The following CFAP69 variants were observed in gnomAD, a reference collection of about 807,000 sequenced individuals.
The protein encoded by CFAP69 is cilia and flagella associated protein 69.
A neutral mutation model predicts 123.0 loss-of-function variants in CFAP69; 92 were observed. The observed-to-expected ratio is 0.75, with a 90% CI of 0.63 to 0.89. The LOEUF is 0.89. CFAP69 is among the 40% of genes least tolerant of loss of function. The probability of loss-of-function intolerance (pLI) is 0.00; values close to 1 mark genes in which losing one functional copy is unlikely to be tolerated. For missense variants in CFAP69, 1,067 were observed against 1,096.9 expected (o/e 0.97, Z 0.39); for synonymous variants, 380 against 364.3 (o/e 1.04, Z -0.49).
At chr7:90,304,402 CTTGAG>C in intron 18 of CFAP69, 1 of 1,198,310 alleles carries the variant, frequency 8.3e-7, no homozygotes, top group Non-Finnish European at 1.0e-6. Context: ...TTCTGAGTCA[CTTGAG>C]TTTTTTTTTT....
chr7:90,281,249 A>T (rs1789440636), intron 12 of CFAP69, among the ~76,000 whole-genome samples: 1 of 152,216 alleles, frequency 6.6e-6, no homozygotes, highest in Non-Finnish European at 1.5e-5. Context: ...CCCAGGTTCT[A>T]TAATAGAACC....
chr7:90,287,224 G>T (rs1434430481), intron 14 of CFAP69, among the ~76,000 whole-genome samples: 2 of 151,980 alleles, frequency 1.3e-5, no homozygotes, highest in East Asian at 3.9e-4. Flanking sequence ...TGATAGATAG[G>T]CACTTGGGTT....
intron 16 of CFAP69, 38 bp downstream of exon 16, chr7:90,297,868 AT>A (rs1278456913): frequency 6.4e-6 from 9 of 1,399,862 alleles, no homozygotes; most frequent in Non-Finnish European, 8.8e-6. Flanking sequence ...CAAAAGACAA[AT>A]ATGTCTATTA....
At chr7:90,305,319 C>T (rs558458207) in intron 19 of CFAP69, among the ~76,000 whole-genome samples, 110 of 141,224 alleles carry the variant, frequency 7.8e-4, no homozygotes, top group African/African-American at 2.6e-3. Flanking sequence ...CCAGCCTGGG[C>T]GACAGAGCGA....
At chr7:90,253,033 A>G (rs1331459878) in intron 1 of CFAP69, among the ~76,000 whole-genome samples, 2 of 152,252 alleles carry the variant, frequency 1.3e-5, no homozygotes, top group Non-Finnish European at 2.9e-5. Flanking sequence ...AAAAATAAAA[A>G]TAGATGCATT....
At chr7:90,261,854 G>T in intron 3 of CFAP69, 93 bp from the exon 4 acceptor site, 1 of 618,798 alleles carries the variant, frequency 1.6e-6, no homozygotes, top group Non-Finnish European at 2.5e-6. Context: ...AAAATAGTTG[G>T]AATTCTATAG....
intron 1 of CFAP69, among the ~76,000 whole-genome samples, 171 bp downstream of exon 1, chr7:90,245,715 C>T (rs577336834): frequency 4.6e-5 from 7 of 152,216 alleles, no homozygotes; most frequent in African/African-American, 1.7e-4. Flanking sequence ...CCACCCCCTG[C>T]GAACTGCACC....
intron 4 of CFAP69, among the ~76,000 whole-genome samples, chr7:90,263,007 A>G (rs1196887017): frequency 6.6e-6 from 1 of 152,080 alleles, no homozygotes; most frequent in Non-Finnish European, 1.5e-5. Context: ...TGGTGTTTTC[A>G]AGGAACAAAT....
chr7:90,269,536 G>C (rs767875767), intron 6 of CFAP69, among the ~76,000 whole-genome samples: 1 of 152,140 alleles, frequency 6.6e-6, no homozygotes, highest in Non-Finnish European at 1.5e-5. Flanking sequence ...AGTTGTCTCA[G>C]TGTCAAACGC....
downstream of CFAP69, among the ~76,000 whole-genome samples, chr7:90,314,793 A>G (rs775376005): frequency 3.3e-5 from 5 of 151,928 alleles, no homozygotes; most frequent in Non-Finnish European, 7.4e-5. Context: ...ATATATATAC[A>G]TGTGCCATGC....
intron 3 of CFAP69, among the ~76,000 whole-genome samples, chr7:90,261,407 T>C (rs1798320823): frequency 6.6e-6 from 1 of 152,216 alleles, no homozygotes; most frequent in South Asian, 2.1e-4. Context: ...TATCTGAATA[T>C]CTAGAAAGTC....
intron 13 of CFAP69, among the ~76,000 whole-genome samples, chr7:90,283,927 A>G (rs1040439947): frequency 3.9e-5 from 6 of 152,170 alleles, no homozygotes; most frequent in Non-Finnish European, 2.9e-5. Context: ...AGGAAATCAA[A>G]GTATATTGAA....
At chr7:90,277,404 T>C (rs770707176) in intron 11 of CFAP69, 70 bp downstream of exon 11, 15 of 1,217,372 alleles carry the variant, frequency 1.2e-5, no homozygotes, top group African/African-American at 1.6e-5. Context: ...TTTTAAAGTC[T>C]TGACTGTAAA....
intron 12 of CFAP69, among the ~76,000 whole-genome samples, 184 bp downstream of exon 12, chr7:90,280,077 C>T (rs770598878): frequency 1.1e-4 from 16 of 152,094 alleles, no homozygotes; most frequent in Non-Finnish European, 1.9e-4. Flanking sequence ...AGTCAGACGT[C>T]AGTAAATGTC....
chr7:90,305,439 CTGG>C (rs1793439362), intron 19 of CFAP69, among the ~76,000 whole-genome samples: 1 of 151,082 alleles, frequency 6.6e-6, no homozygotes, highest in Admixed American at 6.6e-5. Flanking sequence ...GTCACCCAGG[CTGG>C]AGTACAATGG....
intron 15 of CFAP69, among the ~76,000 whole-genome samples, chr7:90,289,361 C>A (rs74628137): frequency 6.6e-6 from 1 of 152,016 alleles, no homozygotes. Context: ...GGACTTGTGC[C>A]AGTGTCTCTT....
chr7:90,268,185 A>C, intron 5 of CFAP69, 101 bp from the exon 6 acceptor site: 1 of 696,666 alleles, frequency 1.4e-6, no homozygotes, highest in Non-Finnish European at 2.3e-6. Flanking sequence ...ATCTCTGAGA[A>C]TATTTTTAAT....
chr7:90,279,064 T>C (rs1323924639), intron 11 of CFAP69, among the ~76,000 whole-genome samples: 2 of 152,172 alleles, frequency 1.3e-5, no homozygotes, highest in African/African-American at 2.4e-5. Context: ...CATTTTAATC[T>C]CATTTTTATT....
intron 15 of CFAP69, among the ~76,000 whole-genome samples, chr7:90,297,449 C>G (rs1424998904): frequency 6.6e-6 from 1 of 152,076 alleles, no homozygotes; most frequent in Non-Finnish European, 1.5e-5. Context: ...GTTATGAGAC[C>G]AGCCAGAGAT....
Sources: allele counts gnomAD v4.1 joint callset (sites outside exome capture counted in the v4.1 genomes callset), GRCh38; gene constraint gnomAD v4.1.1; transcripts MANE v1.5; gene names NCBI Gene and HGNC (gene_info 2026-07-23, HGNC 2026-07-21).